The following SIPA1L2 variants were observed in gnomAD, a reference collection of about 807,000 sequenced individuals.
The protein encoded by SIPA1L2 is signal induced proliferation associated 1 like 2.
SIPA1L2 carries 56 observed loss-of-function variants against 163.9 expected under a neutral mutation model. The observed-to-expected ratio is 0.34, with a 90% CI of 0.28 to 0.43. SIPA1L2 has a LOEUF of 0.43. Ranked by LOEUF, SIPA1L2 falls within the 20% of genes least tolerant of loss-of-function variation. SIPA1L2 has a pLI of 1.00. For missense variants in SIPA1L2, 1,974 were observed against 2,193.5 expected, an observed-to-expected ratio of 0.90 and a Z score of 2.00; for synonymous variants, 877 against 865.7, an observed-to-expected ratio of 1.01 and a Z score of -0.23.
intron 2 of SIPA1L2, among the ~76,000 whole-genome samples, chr1:232,533,853 C>T (rs1410173111): frequency 5.3e-5 from 8 of 152,118 alleles, no homozygotes; most frequent in South Asian, 2.1e-4. Context: ...TGTCTGGCTA[C>T]CTCCAAAGGT....
chr1:232,441,877 A>G lies in SIPA1L2; in HGVS notation c.3438-9T>C, dbSNP rs200365839. ...GTAGAGGGGACTGGCACCTGAAAAG[A>G]ACACAGAGTTGAGCCTGTCCTTTCT... On this transcript the variant is annotated splice_polypyrimidine_tract_variant and intron_variant, in intron 12 of 22. Transcript: ENST00000674635. 157 of 1,608,114 alleles carry G rather than the reference A, an allele frequency of 9.8e-5. No individual in the cohort carries two copies. The highest frequency in any genetic ancestry group is 3.2e-4 in the South Asian group (29 of 89,934).
chr1:232,597,092 G>A (rs1661294678), intron 1 of SIPA1L2, among the ~76,000 whole-genome samples: 1 of 152,126 alleles, frequency 6.6e-6, no homozygotes, highest in African/African-American at 2.4e-5. Flanking sequence ...CAAAGCTTGG[G>A]CAGGAAGAGG....
At chr1:232,410,566 A>G (rs1192330119) in intron 19 of SIPA1L2, among the ~76,000 whole-genome samples, 1 of 151,920 alleles carries the variant, frequency 6.6e-6, no homozygotes, top group Non-Finnish European at 1.5e-5. Context: ...ATATATACGC[A>G]AGGGCATCAT....
chr1:232,497,458 G>A (rs1666256856), intron 3 of SIPA1L2, among the ~76,000 whole-genome samples: 1 of 152,178 alleles, frequency 6.6e-6, no homozygotes, highest in African/African-American at 2.4e-5. Context: ...AGTGGGGACA[G>A]TACCTATTCC....
chr1:232,573,033 G>A (rs927595116), intron 2 of SIPA1L2, among the ~76,000 whole-genome samples: 3 of 151,650 alleles, frequency 2.0e-5, no homozygotes, highest in Non-Finnish European at 2.9e-5. Flanking sequence ...CGTCCGCCTC[G>A]GCCTTCCAAA....
At chr1:232,472,092 C>T (rs974102125) in intron 7 of SIPA1L2, among the ~76,000 whole-genome samples, 2 of 152,192 alleles carry the variant, frequency 1.3e-5, no homozygotes, top group African/African-American at 4.8e-5. Context: ...GGATTAATAA[C>T]CAGAAGCCCA....
chr1:232,422,857 A>G (rs1278939386), intron 18 of SIPA1L2, among the ~76,000 whole-genome samples: 3 of 152,222 alleles, frequency 2.0e-5, no homozygotes, highest in Non-Finnish European at 2.9e-5. Flanking sequence ...TTTGACTGTC[A>G]AACTATTCTT....
Position 232,432,437 on chromosome 1 carries a change from A to G in SIPA1L2, c.4066T>C (p.Cys1356Arg). 6.2e-7 allele frequency: 1 copy of G among 1,614,270 alleles called. No individual in the cohort carries two copies. The highest frequency in any genetic ancestry group is 2.2e-5 in the East Asian group (1 of 44,890). ...TCCAGAGACCCACTACTTTTTGAAC[A>G]GTGAGCTGAAGGGCTTCCTGAATGG... ...SHHSGSPSAHCSKSSGSLDSS... is the reference protein window; with the variant it reads ...SHHSGSPSAHRSKSSGSLDSS... The change falls in exon 16 of 23, where the codon TGT becomes CGT. Residue 1356 changes from cysteine (C) to arginine (R), a missense_variant. This residue lies in a region of SIPA1L2 where 1,079 missense variants were observed against 1,150.7 expected (regional missense o/e 0.94). Transcript: ENST00000674635.
At position 232,563,955 on chromosome 1, in the gene SIPA1L2, TCGTG is replaced by T. The variant is rs1558270713; in HGVS notation, c.-270+10215_-270+10218del. Among the ~76,000 whole-genome samples the T allele has an allele frequency of 2.0e-3, 236 of 116,728 alleles. 1 individual carries two copies. The highest frequency in any genetic ancestry group is 8.6e-3 in the African/African-American group (216 of 25,132). The allele number at this position is 116,728 out of a possible 152,430, so 76.6% of individuals were successfully genotyped here. A position where few individuals can be genotyped will look rare whatever the true frequency, so the allele number is the denominator to read the frequency against. ...AACGACAAAGGTTTGTTTTTTTTTT[TCGTG>T]TGTGTGTGTGTGTGTGTGTGTGTGT... is the stretch of plus-strand genomic sequence containing the variant. On this transcript the variant is annotated intron_variant, in intron 2 of 22. Coordinates refer to ENST00000674635, the MANE Select transcript of SIPA1L2 (RefSeq NM_020808.5).
At chr1:232,611,563 T>TTA (rs1662237412) in intron 1 of SIPA1L2, among the ~76,000 whole-genome samples, 1 of 152,152 alleles carries the variant, frequency 6.6e-6, no homozygotes, top group South Asian at 2.1e-4. Flanking sequence ...GTGACTCCTG[T>TTA]TATGTTTCAG....
intron 12 of SIPA1L2, among the ~76,000 whole-genome samples, chr1:232,442,825 AC>A (rs1441105699): frequency 6.6e-6 from 1 of 152,234 alleles, no homozygotes; most frequent in Non-Finnish European, 1.5e-5. Flanking sequence ...AAGTTGCTTG[AC>A]ATACAATTTT....
chr1:232,488,255 T>C (rs1298748871), intron 5 of SIPA1L2, among the ~76,000 whole-genome samples: 8 of 152,128 alleles, frequency 5.3e-5, no homozygotes, highest in Admixed American at 3.9e-4. Context: ...GCCCAGCCCA[T>C]TATTAGGTTG....
At chr1:232,623,449 CA>C (rs1001778132) in intron 1 of SIPA1L2, among the ~76,000 whole-genome samples, 11 of 151,028 alleles carry the variant, frequency 7.3e-5, no homozygotes, top group African/African-American at 2.7e-4. Context: ...ACTAAAAATA[CA>C]AAAAAAAATT....
At chr1:232,583,252 A>G (rs1573122313) in intron 1 of SIPA1L2, among the ~76,000 whole-genome samples, 1 of 152,228 alleles carries the variant, frequency 6.6e-6, no homozygotes, top group Non-Finnish European at 1.5e-5. Context: ...CAGAAAAGAT[A>G]TAAGTTAGGA....
chr1:232,564,776 T>C (rs1186464268), intron 2 of SIPA1L2, among the ~76,000 whole-genome samples: 1 of 152,194 alleles, frequency 6.6e-6, no homozygotes, highest in Non-Finnish European at 1.5e-5. Context: ...AATTAATACA[T>C]ATTAATATAG....
chr1:232,556,000 GGA>G (rs1206718777), intron 2 of SIPA1L2, among the ~76,000 whole-genome samples: 4 of 152,200 alleles, frequency 2.6e-5, no homozygotes, highest in Admixed American at 1.3e-4. Flanking sequence ...AACAGTTCAA[GGA>G]TCACCTAAAC....
At chr1:232,506,796 T>C (rs543955703) in intron 3 of SIPA1L2, among the ~76,000 whole-genome samples, 9 of 152,356 alleles carry the variant, frequency 5.9e-5, no homozygotes, top group African/African-American at 1.7e-4. Flanking sequence ...TAAAGCTTTG[T>C]TATTTATAGG....
intron 1 of SIPA1L2, among the ~76,000 whole-genome samples, chr1:232,584,917 T>C (rs1406206397): frequency 1.3e-5 from 2 of 152,244 alleles, no homozygotes; most frequent in Admixed American, 6.5e-5. Flanking sequence ...TATAACTATG[T>C]TGCCATCCAT....
intron 2 of SIPA1L2, among the ~76,000 whole-genome samples, chr1:232,525,399 CTATTTTTTTTTTTTTT>C (rs1667653049): frequency 8.0e-6 from 1 of 124,904 alleles, no homozygotes; most frequent in Admixed American, 8.5e-5. Flanking sequence ...CCAAGCCTGG[CTATTTTTTTTTTTTTT>C]TTTTTTTTTT....
Sources: gnomAD v4.1 joint callset for allele counts (sites outside exome capture counted in the v4.1 genomes callset) on GRCh38, gnomAD v4.1.1 for gene constraint, gnomAD v4.1.1 regional missense constraint, MANE v1.5 for transcripts, NCBI Gene and HGNC (gene_info 2026-07-23, HGNC 2026-07-21) for gene names.